The following KIRREL3 variants were observed in gnomAD, a reference collection of about 807,000 sequenced individuals.
The protein encoded by KIRREL3 is kirre like nephrin family adhesion molecule 3.
A neutral mutation model predicts 89.7 loss-of-function variants in KIRREL3; 36 were observed. The ratio of observed to expected loss-of-function variants is 0.40; its 90% CI spans 0.31 to 0.53. The LOEUF (loss-of-function observed/expected upper bound fraction) is 0.53, where lower values mean the gene tolerates loss of function less well. Ranked by LOEUF, KIRREL3 falls within the 20% of genes least tolerant of loss-of-function variation. The pLI is 0.49. For synonymous variants in KIRREL3, 445 were observed against 441.4 expected (o/e 1.01, Z -0.10); for missense variants, 864 against 1,056.6 (o/e 0.82, Z 2.53).
intron 1 of KIRREL3, among the ~76,000 whole-genome samples, chr11:126,581,302 A>G (rs537590903): frequency 6.6e-6 from 1 of 152,122 alleles, no homozygotes; most frequent in Non-Finnish European, 1.5e-5. Context: ...TCCTGGGTTC[A>G]AGTGATTTTC....
intron 2 of KIRREL3, among the ~76,000 whole-genome samples, chr11:126,529,977 A>G (rs1481610904): frequency 7.0e-6 from 1 of 143,284 alleles, no homozygotes; most frequent in Non-Finnish European, 1.5e-5. Context: ...TTTTTTTTTC[A>G]TCCATCTGAC....
chr11:126,438,110 G>C (rs1955427670), intron 11 of KIRREL3, among the ~76,000 whole-genome samples: 1 of 152,264 alleles, frequency 6.6e-6, no homozygotes, highest in Non-Finnish European at 1.5e-5. Flanking sequence ...GTGCCCTGTT[G>C]GCCTGCGCAC....
At chr11:126,923,245 T>TCTTCTTCTCCTTCTCCTTCTCCTTCTTC (rs1947514373) in intron 1 of KIRREL3, among the ~76,000 whole-genome samples, 1 of 57,592 alleles carries the variant, frequency 1.7e-5, no homozygotes, top group African/African-American at 6.6e-5. Context: ...TTCTTCTTCT[T>TCTTCTTCTCCTTCTCCTTCTCCTTCTTC]CTTCTTCTTC....
rs1367319403 is a variant in KIRREL3 at position 126,747,682 on chromosome 11, A to G, written c.56-184770T>C. On this transcript the variant is annotated intron_variant, in intron 1 of 16. Coordinates refer to ENST00000525144, the MANE Select transcript of KIRREL3 (RefSeq NM_032531.4). The surrounding 1 kb of genome is among the most constrained non-coding windows in gnomAD (Gnocchi z 4.7). ...CTTGAGACTAGAAACGGTTTTATTTATTTTGGAATCTCAAACCTAGCAAAG... is the reference window on the plus strand; with the variant it reads ...CTTGAGACTAGAAACGGTTTTATTTGTTTTGGAATCTCAAACCTAGCAAAG... 1.3e-5 allele frequency among the ~76,000 whole-genome samples: 2 copies of G among 151,982 alleles called. No individual in the cohort carries two copies. Among genetic ancestry groups the G allele is most frequent in the Non-Finnish European group, 2.9e-5 (2 of 67,988 alleles).
intron 4 of KIRREL3, among the ~76,000 whole-genome samples, chr11:126,483,286 C>T (rs752702004): frequency 1.3e-5 from 2 of 152,240 alleles, no homozygotes; most frequent in African/African-American, 4.8e-5. Context: ...CCTACAAATA[C>T]ACAATTTTCC....
In KIRREL3 at chr11:126,682,280, C is replaced by T. The variant is rs1032914824; in HGVS notation, c.56-119368G>A. On this transcript the variant is annotated intron_variant, in intron 1 of 16. Transcript: ENST00000525144. The surrounding 1 kb of genome is among the most constrained non-coding windows in gnomAD (Gnocchi z 4.8). The stretch of plus-strand genomic sequence containing the variant: ...TCCTATGCATTCTGCTATGCATAGT[C>T]GCCCTCTCTTCCTTCTAGGTTAGAG... 6.6e-6 allele frequency among the ~76,000 whole-genome samples: 1 copy of T among 152,136 alleles called. No homozygotes were observed.
At chr11:126,821,849 G>T (rs558673921) in intron 1 of KIRREL3, among the ~76,000 whole-genome samples, 1 of 152,258 alleles carries the variant, frequency 6.6e-6, no homozygotes, top group South Asian at 2.1e-4. Flanking sequence ...CATATGCCAA[G>T]GAATCCAGGC....
At chr11:126,603,250 C>T (rs368281313) in intron 1 of KIRREL3, among the ~76,000 whole-genome samples, 2 of 152,214 alleles carry the variant, frequency 1.3e-5, no homozygotes, top group South Asian at 2.1e-4. Flanking sequence ...CATTGAATAC[C>T]GATGGGCAGG....
At chr11:126,854,195 C>T (rs1268009115) in intron 1 of KIRREL3, among the ~76,000 whole-genome samples, 1 of 151,548 alleles carries the variant, frequency 6.6e-6, no homozygotes, top group Non-Finnish European at 1.5e-5. Flanking sequence ...CTATTTTTCT[C>T]TTAATAGTTG....
rs555899354 is a variant in KIRREL3, at chr11:126,622,834, C to T, written c.56-59922G>A. 7.9e-5 allele frequency among the ~76,000 whole-genome samples: 12 copies of T among 152,328 alleles called. No individual in the cohort carries two copies. In the South Asian group the frequency reaches 1.2e-3, roughly 16 times the overall value. ...CTAACTATACTTTTTGTAGAGTTAA[C>T]TACATGCACAATTTTATTTGCTTTA... is the stretch of plus-strand genomic sequence containing the variant. On this transcript the variant is annotated intron_variant, in intron 1 of 16. Coordinates refer to ENST00000525144, the MANE Select transcript of KIRREL3 (RefSeq NM_032531.4). The surrounding 1 kb of genome is among the most constrained non-coding windows in gnomAD (Gnocchi z 5.2).
chr11:126,914,948 C>T (rs1243159735), intron 1 of KIRREL3, among the ~76,000 whole-genome samples: 1 of 152,186 alleles, frequency 6.6e-6, no homozygotes, highest in Admixed American at 6.5e-5. Flanking sequence ...AGTGTAAACA[C>T]CACAAACAAC....
intron 1 of KIRREL3, among the ~76,000 whole-genome samples, chr11:126,765,596 G>T (rs747006219): frequency 1.3e-5 from 2 of 152,142 alleles, no homozygotes; most frequent in African/African-American, 4.8e-5. Context: ...ATTTAAGAAA[G>T]CCCCTTTCCT....
In KIRREL3 at chr11:126,463,251, A is replaced by G. The variant is rs764810289; in HGVS notation, c.648T>C (p.Pro216=). ...TGCTCTGGCCATTCTCCACGTCACC[A>G]GGGGAGATGAAGAGGGTGCTGACGA... ...ESIVSTLFIS[P]GDVENGQSIV... The change falls in exon 6 of 17, where the codon CCT becomes CCC. Residue 216 remains proline (P), a synonymous_variant. Transcript: ENST00000525144. The surrounding 1 kb of genome is among the most constrained non-coding windows in gnomAD (Gnocchi z 5.9). The G allele has an allele frequency of 7.4e-6, 12 of 1,613,892 alleles. No homozygotes were observed. In the South Asian group the frequency reaches 1.3e-4, roughly 18 times the overall value.
intron 1 of KIRREL3, among the ~76,000 whole-genome samples, chr11:126,716,396 G>A (rs1389566184): frequency 1.3e-5 from 2 of 152,062 alleles, no homozygotes; most frequent in Non-Finnish European, 2.9e-5. Context: ...TATAGGTGAG[G>A]GATGGGTGCT....
chr11:126,704,545 A>G lies in KIRREL3; in HGVS notation c.56-141633T>C, dbSNP rs1947439672. ...CCACAGCTCTGCAGGCTTTTTCTCT[A>G]AAAGGCTGCCCTATTTGTGTTGTGT... On this transcript the variant is annotated intron_variant, in intron 1 of 16. Coordinates refer to ENST00000525144, the MANE Select transcript of KIRREL3 (RefSeq NM_032531.4). This position sits in a 1 kb window ranked among gnomAD's most constrained non-coding sequence, Gnocchi z 4.2. 6.6e-6 allele frequency among the ~76,000 whole-genome samples: 1 copy of G among 152,182 alleles called. No individual in the cohort carries two copies. Among genetic ancestry groups the G allele is most frequent in the South Asian group, 2.1e-4 (1 of 4,828 alleles).
intron 1 of KIRREL3, among the ~76,000 whole-genome samples, chr11:126,573,789 A>T (rs1941100941): frequency 6.6e-6 from 1 of 152,156 alleles, no homozygotes; most frequent in Non-Finnish European, 1.5e-5. Flanking sequence ...GCTCAAATGC[A>T]GTCTCTCCCA....
At position 126,697,668 on chromosome 11, in the gene KIRREL3, T is replaced by C. The variant is rs1019479283; in HGVS notation, c.56-134756A>G. 2.6e-5 allele frequency among the ~76,000 whole-genome samples: 4 copies of C among 152,224 alleles called. No homozygotes were observed. The highest frequency in any genetic ancestry group is 9.6e-5 in the African/African-American group (4 of 41,462). ...CTGAACTCATGTAAAAGTGGCTCTT[T>C]CCTCCCAGTCCAAACCACAAATCCT... On this transcript the variant is annotated intron_variant, in intron 1 of 16. Coordinates refer to ENST00000525144, the MANE Select transcript of KIRREL3 (RefSeq NM_032531.4). This position sits in a 1 kb window ranked among gnomAD's most constrained non-coding sequence, Gnocchi z 4.2.
Position 126,449,077 on chromosome 11 carries a change from T to G in KIRREL3, c.929A>C (p.Glu310Ala), listed in dbSNP as rs1273562894. ...GTTGGTCACCTCACAGGAGACGGGC[T>G]CTGAGAAGTACGTGTAGTCCACTGT... ...RTTVDYTYFS[E>A]PVSCEVTNAL... The change falls in exon 8 of 17, where the codon GAG becomes GCG. Residue 310 changes from glutamate (E) to alanine (A), a missense_variant. Coordinates refer to ENST00000525144, the MANE Select transcript of KIRREL3 (RefSeq NM_032531.4). 1 of 1,614,012 alleles carries G rather than the reference T, an allele frequency of 6.2e-7. No homozygotes were observed. The highest frequency in any genetic ancestry group is 8.5e-7 in the Non-Finnish European group (1 of 1,179,872).
rs1354479909 is a variant in KIRREL3 at position 126,555,199 on chromosome 11, G to A, written c.133+7636C>T. On this transcript the variant is annotated intron_variant, in intron 2 of 16. Coordinates refer to ENST00000525144, the MANE Select transcript of KIRREL3 (RefSeq NM_032531.4). This position sits in a 1 kb window ranked among gnomAD's most constrained non-coding sequence, Gnocchi z 4.2. The stretch of plus-strand genomic sequence containing the variant: ...TTCTGCCAGAGATGAGTGACTGGCC[G>A]GTTCCAGCGTTCATTCCCTCTGGTT... Among the ~76,000 whole-genome samples the A allele has an allele frequency of 2.6e-5, 4 of 152,170 alleles. No homozygotes were observed. The highest frequency in any genetic ancestry group is 6.5e-5 in the Admixed American group (1 of 15,284).
Sources: allele counts gnomAD v4.1 joint callset (sites outside exome capture counted in the v4.1 genomes callset), GRCh38; gene constraint gnomAD v4.1.1; non-coding constraint Gnocchi (gnomAD v3.1); transcripts MANE v1.5; gene names NCBI Gene and HGNC (gene_info 2026-07-23, HGNC 2026-07-21).